The following RFX7 variants were observed in gnomAD, a reference collection of about 807,000 sequenced individuals.
The protein encoded by RFX7 is regulatory factor X7.
Under a neutral mutation model 111.8 loss-of-function variants are expected in RFX7, and 26 were observed. The ratio of observed to expected loss-of-function variants is 0.23; its 90% CI spans 0.17 to 0.32. The LOEUF (loss-of-function observed/expected upper bound fraction) is 0.32. Among genes scored for constraint, RFX7 ranks in the 10% least tolerant of loss-of-function variants. RFX7 has a pLI of 1.00. For synonymous variants in RFX7, 624 were observed against 624.4 expected, an observed-to-expected ratio of 1.00 and a Z score of 0.01; for missense variants, 1,573 against 1,772.9, an observed-to-expected ratio of 0.89 and a Z score of 2.02.
chr15:56,230,477 G>A (rs2043539671), intron 2 of RFX7, among the ~76,000 whole-genome samples: 1 of 152,122 alleles, frequency 6.6e-6, no homozygotes, highest in Non-Finnish European at 1.5e-5. Flanking sequence ...TTAATATCTT[G>A]TTTTGGGAGA....
intron 2 of RFX7, among the ~76,000 whole-genome samples, chr15:56,226,968 G>A (rs1015515077): frequency 1.3e-5 from 2 of 152,052 alleles, no homozygotes; most frequent in Admixed American, 6.5e-5. Flanking sequence ...TTTAATACAG[G>A]AAAAACTCTT....
chr15:56,116,976 CA>C (rs1207761844), intron 5 of RFX7, among the ~76,000 whole-genome samples: 1 of 152,060 alleles, frequency 6.6e-6, no homozygotes, highest in Non-Finnish European at 1.5e-5. Context: ...TAGCCTGTGG[CA>C]TTAGAAGCCA....
intron 3 of RFX7, among the ~76,000 whole-genome samples, chr15:56,149,838 T>C (rs2042542875): frequency 1.3e-5 from 2 of 151,778 alleles, no homozygotes; most frequent in Middle Eastern, 3.4e-3. Context: ...CCCAGTGGCA[T>C]GTGGAATGCC....
At position 56,092,615 on chromosome 15, in the gene RFX7, G is replaced by C. The variant is rs1200519897; in HGVS notation, c.*730C>G. 6.6e-6 allele frequency: 1 copy of C among 152,482 alleles called. No homozygotes were observed. 9.4% of individuals were successfully genotyped at this position (152,482 alleles called of 1,614,324 possible). ...GGAGTTACATTTGCTTGTTTTGTGT[G>C]TGCGTGCCTGCGCATCTATGTGTGC... is the stretch of plus-strand genomic sequence containing the variant. On this transcript the variant is annotated 3_prime_UTR_variant, in exon 10 of 10. Coordinates refer to ENST00000559447, the MANE Select transcript of RFX7 (RefSeq NM_022841.7).
chr15:56,114,422 A>AC (rs1555418170), intron 5 of RFX7, among the ~76,000 whole-genome samples: 38 of 150,636 alleles, frequency 2.5e-4, no homozygotes, highest in Non-Finnish European at 4.3e-4. Flanking sequence ...AAAAAAAAAA[A>AC]AAAAACAAAC....
chr15:56,100,880 C>T (rs150441042), intron 8 of RFX7, among the ~76,000 whole-genome samples: 336 of 151,944 alleles, frequency 2.2e-3, no homozygotes, highest in Non-Finnish European at 3.9e-3. Context: ...AGGCTTTGTA[C>T]GGTTTTGTTT....
chr15:56,207,944 G>C (rs1244972924), intron 2 of RFX7, among the ~76,000 whole-genome samples: 1 of 152,152 alleles, frequency 6.6e-6, no homozygotes, highest in Non-Finnish European at 1.5e-5. Flanking sequence ...AAACCTGCAT[G>C]AGAATCTGTA....
chr15:56,188,479 A>G (rs1340721775), intron 2 of RFX7, among the ~76,000 whole-genome samples: 1 of 152,158 alleles, frequency 6.6e-6, no homozygotes, highest in Non-Finnish European at 1.5e-5. Flanking sequence ...AAAGAAACCC[A>G]CACATTGTCA....
At chr15:56,209,404 T>C (rs1454418562) in intron 2 of RFX7, among the ~76,000 whole-genome samples, 2 of 152,084 alleles carry the variant, frequency 1.3e-5, no homozygotes, top group Admixed American at 6.6e-5. Context: ...CCAGTAGACT[T>C]GCCTTGCAAG....
intron 5 of RFX7, among the ~76,000 whole-genome samples, chr15:56,110,431 C>T (rs1464771747): frequency 3.2e-5 from 4 of 125,022 alleles, no homozygotes; most frequent in Admixed American, 7.9e-5. Context: ...GTCAGCCCCC[C>T]GCCCGGCCAG....
chr15:56,135,813 C>T (rs1382312345), intron 5 of RFX7, among the ~76,000 whole-genome samples: 1 of 151,856 alleles, frequency 6.6e-6, no homozygotes, highest in African/African-American at 2.4e-5. Context: ...GGAAGGGATC[C>T]AGTTTCAGCT....
chr15:56,148,759 T>C (rs568510173), intron 3 of RFX7, among the ~76,000 whole-genome samples: 10 of 152,260 alleles, frequency 6.6e-5, no homozygotes, highest in Admixed American at 6.5e-4. Flanking sequence ...ATCACAGTGA[T>C]GTAATTCACT....
rs546973710 is a variant in RFX7, at chr15:56,139,724, G to GT, written c.401+3053dup. The stretch of plus-strand genomic sequence containing the variant: ...TTAGAGTTTCCAGTTTTTCTGTTCT[G>GT]TTTTTTCCCCATCTTTGTGGTTTTA... On this transcript the variant is annotated intron_variant, in intron 5 of 9. Transcript: ENST00000559447. 8.5e-4 allele frequency among the ~76,000 whole-genome samples: 129 copies of GT among 152,186 alleles called. 2 individuals carry two copies. The highest frequency in any genetic ancestry group is 4.6e-3 in the South Asian group (22 of 4,820).
chr15:56,107,296 CAAAAAAAA>C (rs56077181), intron 5 of RFX7, among the ~76,000 whole-genome samples: 21 of 32,138 alleles, frequency 6.5e-4, no homozygotes, highest in Admixed American at 1.9e-3. Context: ...GACTCCGTCT[CAAAAAAAA>C]AAAAAAAAAA....
intron 5 of RFX7, among the ~76,000 whole-genome samples, chr15:56,115,064 G>A (rs2041992911): frequency 6.6e-6 from 1 of 152,060 alleles, no homozygotes; most frequent in Non-Finnish European, 1.5e-5. Context: ...AGCCTTGAGT[G>A]CAATGGCGTG....
At position 56,142,917 on chromosome 15, in the gene RFX7, A is replaced by T. The variant is rs775768387; in HGVS notation, c.279-17T>A. ...TTCTGATCACTAATAGAATGAAAAC[A>T]TGTTTTAGCTGACCAGACAGCAATT... On this transcript the variant is annotated splice_polypyrimidine_tract_variant and intron_variant, in intron 4 of 9. Coordinates refer to ENST00000559447, the MANE Select transcript of RFX7 (RefSeq NM_022841.7). The T allele has an allele frequency of 1.2e-6, 2 of 1,612,200 alleles. No individual in the cohort carries two copies. Among genetic ancestry groups the T allele is most frequent in the South Asian group, 1.1e-5 (1 of 90,702 alleles).
chr15:56,123,610 G>A (rs553053292), intron 5 of RFX7, among the ~76,000 whole-genome samples: 10 of 152,290 alleles, frequency 6.6e-5, no homozygotes, highest in African/African-American at 2.4e-4. Context: ...AAGTCCACTG[G>A]TTCCGAGCCC....
intron 5 of RFX7, among the ~76,000 whole-genome samples, chr15:56,126,047 T>C (rs991601974): frequency 9.9e-5 from 15 of 152,222 alleles, no homozygotes; most frequent in Non-Finnish European, 2.1e-4. Context: ...ATAGTTTTTA[T>C]TTCTTATGGT....
intron 2 of RFX7, among the ~76,000 whole-genome samples, chr15:56,211,318 CAA>C (rs1444180450): frequency 6.6e-6 from 1 of 151,968 alleles, no homozygotes; most frequent in African/African-American, 2.4e-5. Context: ...GTCTTTTCAA[CAA>C]ATAGTGCTAG....
Sources: allele counts gnomAD v4.1 joint callset (sites outside exome capture counted in the v4.1 genomes callset), GRCh38; gene constraint gnomAD v4.1.1; transcripts MANE v1.5; gene names NCBI Gene and HGNC (gene_info 2026-07-23, HGNC 2026-07-21).